Variants in SUCLA2 observed in about 807,000 individuals in gnomAD.
The protein encoded by SUCLA2 is succinate-CoA ligase ADP-forming subunit beta.
In SUCLA2, 30 loss-of-function variants were observed where a neutral mutation model predicts 54.8. That is an observed-to-expected ratio of 0.55 (90% CI 0.41 to 0.74). The LOEUF is 0.74. Among genes scored for constraint, SUCLA2 ranks in the 30% least tolerant of loss-of-function variants. The pLI, the probability that SUCLA2 is intolerant of heterozygous loss-of-function variation, is 0.00. For missense variants in SUCLA2, 476 were observed against 562.9 expected, an observed-to-expected ratio of 0.85 and a Z score of 1.56; for synonymous variants, 172 against 188.9, an observed-to-expected ratio of 0.91 and a Z score of 0.74.
At chr13:47,961,987 C>T (rs1276429482) in intron 6 of SUCLA2, among the ~76,000 whole-genome samples, 1 of 152,172 alleles carries the variant, frequency 6.6e-6, no homozygotes, top group East Asian at 1.9e-4. Flanking sequence ...AGAGACCTTT[C>T]AGGACTCTAA....
chr13:47,971,088 T>A (rs1304505646), intron 5 of SUCLA2, among the ~76,000 whole-genome samples: 1 of 151,544 alleles, frequency 6.6e-6, no homozygotes, highest in African/African-American at 2.4e-5. Flanking sequence ...ATGTTTAACT[T>A]CGAAGTCCAA....
intron 6 of SUCLA2, among the ~76,000 whole-genome samples, chr13:47,960,282 A>G (rs1238722123): frequency 6.6e-6 from 1 of 152,102 alleles, no homozygotes; most frequent in Non-Finnish European, 1.5e-5. Flanking sequence ...AATTTGCCCT[A>G]TTTATCTAAA....
intron 2 of SUCLA2, 61 bp downstream of exon 2, chr13:47,996,782 A>G (rs910874917): frequency 5.6e-5 from 87 of 1,554,128 alleles, no homozygotes; most frequent in Non-Finnish European, 7.4e-5. Context: ...ACCAAAAACA[A>G]ACTTCAAATC....
chr13:47,970,870 T>A (rs908124298), intron 5 of SUCLA2, among the ~76,000 whole-genome samples: 1 of 148,100 alleles, frequency 6.8e-6, no homozygotes, highest in Non-Finnish European at 1.5e-5. Flanking sequence ...AAAAAAAAAA[T>A]AATTCTTGCA....
Position 47,988,532 on chromosome 13 carries a change from A to G in SUCLA2, c.534+9T>C, listed in dbSNP as rs752817536. 6.2e-7 allele frequency: 1 copy of G among 1,613,566 alleles called. No individual in the cohort carries two copies. The highest frequency in any genetic ancestry group is 8.5e-7 in the Non-Finnish European group (1 of 1,179,826). On this transcript the variant is annotated intron_variant, in intron 4 of 10. Coordinates refer to ENST00000646932, the MANE Select transcript of SUCLA2 (RefSeq NM_003850.3). The stretch of plus-strand genomic sequence containing the variant: ...TTATCCCGTATGTATCATGTCTACA[A>G]TTACTCACTTGAAATGACCTTTCCA...
At chr13:47,964,654 G>T (rs1427322357) in intron 6 of SUCLA2, among the ~76,000 whole-genome samples, 1 of 152,170 alleles carries the variant, frequency 6.6e-6, no homozygotes, top group South Asian at 2.1e-4. Flanking sequence ...CCAGGAGATC[G>T]AGACCATCCT....
At chr13:47,955,475 TAA>T (rs1363212044) in intron 6 of SUCLA2, among the ~76,000 whole-genome samples, 1 of 152,172 alleles carries the variant, frequency 6.6e-6, no homozygotes, top group Non-Finnish European at 1.5e-5. Context: ...ATGCTGAGAT[TAA>T]AAGTGTGAGC....
intron 4 of SUCLA2, among the ~76,000 whole-genome samples, chr13:47,985,311 G>A (rs1040160867): frequency 5.3e-5 from 8 of 152,052 alleles, no homozygotes; most frequent in Non-Finnish European, 8.8e-5. Context: ...CCATGGTGGT[G>A]TGCTGTACAG....
chr13:47,949,416 C>T, intron 9 of SUCLA2, 67 bp downstream of exon 9: 3 of 1,569,038 alleles, frequency 1.9e-6, no homozygotes, highest in Middle Eastern at 1.7e-4. Context: ...TTTTAACAAA[C>T]TGAACTCCAT....
chr13:47,981,753 T>C (rs11148099), intron 4 of SUCLA2, among the ~76,000 whole-genome samples: 110,936 of 152,126 alleles, frequency 0.73, 41,395 homozygotes, highest in Non-Finnish European at 0.81. Flanking sequence ...GAGGCGGAGG[T>C]TGTGAGCCGA....
intron 6 of SUCLA2, among the ~76,000 whole-genome samples, chr13:47,960,517 T>C (rs1949861655): frequency 6.6e-6 from 1 of 152,190 alleles, no homozygotes. Flanking sequence ...AATGTTTATA[T>C]CCAAGATAAT....
At position 47,948,994 on chromosome 13, in the gene SUCLA2, C is replaced by A. The variant is rs765178650; in HGVS notation, c.1263G>T (p.Ala421=). ...TRVDDAKALI[A]DSGLKILACD... is the part of the protein sequence containing the mutation. ...AAGCAAGTATTTTAAGTCCACTGTCCGCTATCAGTGCCTTAGCATCATCGA... is the reference window on the plus strand; with the variant it reads ...AAGCAAGTATTTTAAGTCCACTGTCAGCTATCAGTGCCTTAGCATCATCGA... Residue 421 remains alanine (A), a synonymous_variant, in exon 10 of 11, where the codon GCG becomes GCT. Transcript: ENST00000646932. 1.9e-6 allele frequency: 3 copies of A among 1,613,596 alleles called. No individual in the cohort carries two copies. In the Admixed American group the frequency reaches 5.0e-5, roughly 27 times the overall value.
intron 4 of SUCLA2, among the ~76,000 whole-genome samples, chr13:47,974,748 AATAG>A (rs1462009879): frequency 6.6e-6 from 1 of 152,232 alleles, no homozygotes; most frequent in East Asian, 1.9e-4. Flanking sequence ...TAAATTATCT[AATAG>A]ATCTACTAAT....
chr13:47,968,476 TAAAAAGC>T, intron 6 of SUCLA2, 112 bp downstream of exon 6: 1 of 1,173,722 alleles, frequency 8.5e-7, no homozygotes, highest in Non-Finnish European at 1.2e-6. Context: ...GATTTTTTTT[TAAAAAGC>T]TTCTACATAG....
chr13:47,992,532 A>G (rs1458761121), intron 2 of SUCLA2, among the ~76,000 whole-genome samples: 1 of 152,238 alleles, frequency 6.6e-6, no homozygotes, highest in Non-Finnish European at 1.5e-5. Flanking sequence ...CAACAGGTTC[A>G]TCTACATACC....
At position 47,988,986 on chromosome 13, in the gene SUCLA2, A is replaced by C. The variant is rs1484084388; in HGVS notation, c.272-5T>G. The stretch of plus-strand genomic sequence containing the variant: ...TTATCACGACATCTTTTGAACCTAG[A>C]AGAAAAACACTTCTATTAAATATGA... On this transcript the variant is annotated splice_region_variant and splice_polypyrimidine_tract_variant and intron_variant, in intron 2 of 10. Transcript: ENST00000646932. 1.2e-6 allele frequency: 2 copies of C among 1,612,536 alleles called. No individual in the cohort carries two copies. Among genetic ancestry groups the C allele is most frequent in the East Asian group, 4.5e-5 (2 of 44,820 alleles).
rs73489232 is a variant in SUCLA2, at chr13:47,954,843, A to G, written c.803-286T>C. 0.043 allele frequency among the ~76,000 whole-genome samples: 6,482 copies of G among 152,196 alleles called. 285 individuals are homozygous for G. Among genetic ancestry groups the G allele is most frequent in the African/African-American group, 0.11 (4,378 of 41,506 alleles). Reference sequence around the variant, plus strand: ...TTAAATTATTTAAAAATTGTCAAAAATTAACTATCCTTGTTCGTAGCTAAC... The same window carrying G: ...TTAAATTATTTAAAAATTGTCAAAAGTTAACTATCCTTGTTCGTAGCTAAC... On this transcript the variant is annotated intron_variant, in intron 6 of 10. Coordinates refer to ENST00000646932, the MANE Select transcript of SUCLA2 (RefSeq NM_003850.3).
chr13:47,963,632 G>A (rs775054886), intron 6 of SUCLA2, among the ~76,000 whole-genome samples: 2 of 142,906 alleles, frequency 1.4e-5, no homozygotes, highest in African/African-American at 5.3e-5. Flanking sequence ...GCAACAGAAC[G>A]AGACTCTGTC....
intron 8 of SUCLA2, among the ~76,000 whole-genome samples, chr13:47,952,797 C>T (rs1004363737): frequency 1.7e-4 from 26 of 152,096 alleles, no homozygotes; most frequent in South Asian, 2.1e-4. Context: ...TCACAATTTG[C>T]CAACATTATC....
Sources: gnomAD v4.1 joint callset for allele counts (sites outside exome capture counted in the v4.1 genomes callset) on GRCh38, gnomAD v4.1.1 for gene constraint, MANE v1.5 for transcripts, NCBI Gene and HGNC (gene_info 2026-07-23, HGNC 2026-07-21) for gene names.